ST8SIA6: variants seen among roughly 807,000 people sequenced by gnomAD.
The protein encoded by ST8SIA6 is ST8 alpha-N-acetyl-neuraminide alpha-2,8-sialyltransferase 6.
A neutral mutation model predicts 33.6 loss-of-function variants in ST8SIA6; 39 were observed. The observed-to-expected ratio is 1.16, with a 90% confidence interval of 0.90 to 1.52. The LOEUF is 1.52. Ranked by LOEUF, ST8SIA6 falls within the 40% of genes most tolerant of loss-of-function variation. The probability of loss-of-function intolerance (pLI) is 0.00; values close to 1 mark genes in which losing one functional copy is unlikely to be tolerated. For synonymous variants in ST8SIA6, 172 were observed against 167.2 expected (o/e 1.03, Z -0.22); for missense variants, 441 against 443.8 (o/e 0.99, Z 0.06).
At chr10:17,437,429 C>T (rs892316648) in intron 2 of ST8SIA6, among the ~76,000 whole-genome samples, 2 of 152,188 alleles carry the variant, frequency 1.3e-5, no homozygotes, top group African/African-American at 2.4e-5. Flanking sequence ...GGCTTGGCCT[C>T]CCAAAGTGCT....
chr10:17,326,986 T>A (rs1848151642), intron 6 of ST8SIA6, 28 bp downstream of exon 6: 2 of 1,524,512 alleles, frequency 1.3e-6, no homozygotes, highest in African/African-American at 1.4e-5. Context: ...ATCTATTGTT[T>A]CAAAGAAACC....
At chr10:17,434,517 C>T (rs1408572873) in intron 2 of ST8SIA6, among the ~76,000 whole-genome samples, 2 of 152,110 alleles carry the variant, frequency 1.3e-5, no homozygotes, top group African/African-American at 4.8e-5. Flanking sequence ...AGAATATTTT[C>T]AAAAGAAAAG....
rs1345152043 is a variant in ST8SIA6 at position 17,444,954 on chromosome 10, T to A, written c.200+8605A>T. ...GCAGCTTTAAAGCATTCTGAATTTT[T>A]AAAATCAGAACACATATTCGTATCA... On this transcript the variant is annotated intron_variant, in intron 2 of 7. Coordinates refer to ENST00000377602, the MANE Select transcript of ST8SIA6 (RefSeq NM_001004470.3). 3.9e-5 allele frequency among the ~76,000 whole-genome samples: 6 copies of A among 152,346 alleles called. No homozygotes were observed. The East Asian group carries it at 9.6e-4, about 24-fold the overall frequency.
chr10:17,341,900 C>CAAAAAAAAAAAAAAAAAAAAA (rs71393004), intron 4 of ST8SIA6, among the ~76,000 whole-genome samples: 3 of 73,164 alleles, frequency 4.1e-5, no homozygotes, highest in African/African-American at 1.1e-4. Flanking sequence ...GGCTCCATCT[C>CAAAAAAAAAAAAAAAAAAAAA]AAAAAAAAAA....
rs200826980 is a variant in ST8SIA6, at chr10:17,368,407, C to CAAAAAAAA, written c.291-8815_291-8808dup. 2.5e-4 allele frequency among the ~76,000 whole-genome samples: 18 copies of CAAAAAAAA among 72,194 alleles called. 1 individual carries two copies. Among genetic ancestry groups the CAAAAAAAA allele is most frequent in the Admixed American group, 5.9e-4 (3 of 5,072 alleles). 47.4% of individuals were successfully genotyped at this position (72,194 alleles called of 152,430 possible). A position where few individuals can be genotyped will look rare whatever the true frequency, so the allele number is the denominator to read the frequency against. Reference sequence around the variant, plus strand: ...GGGCAACAAGAGTGAAGCTCTGTCTCAAAAAAAAAAAAAAAAAAAAAAAAA... The same window carrying CAAAAAAAA: ...GGGCAACAAGAGTGAAGCTCTGTCTCAAAAAAAAAAAAAAAAAAAAAAAAAAAAAAAAA... On this transcript the variant is annotated intron_variant, in intron 3 of 7. Transcript: ENST00000377602.
At chr10:17,356,625 T>G (rs1849199479) in intron 4 of ST8SIA6, among the ~76,000 whole-genome samples, 1 of 152,140 alleles carries the variant, frequency 6.6e-6, no homozygotes, top group South Asian at 2.1e-4. Flanking sequence ...TGGCCTCAAG[T>G]GATCCACCCA....
intron 3 of ST8SIA6, among the ~76,000 whole-genome samples, chr10:17,369,030 T>G (rs1849650356): frequency 6.6e-6 from 1 of 152,198 alleles, no homozygotes; most frequent in Non-Finnish European, 1.5e-5. Flanking sequence ...AAAATTAGAA[T>G]CTATATTGAA....
intron 4 of ST8SIA6, among the ~76,000 whole-genome samples, chr10:17,332,644 G>A (rs1322738413): frequency 6.6e-6 from 1 of 151,960 alleles, no homozygotes; most frequent in Non-Finnish European, 1.5e-5. Context: ...TTTTTTAGTA[G>A]AGACAGGGTT....
chr10:17,374,419 A>G (rs531619733), intron 3 of ST8SIA6, among the ~76,000 whole-genome samples: 213 of 151,300 alleles, frequency 1.4e-3, no homozygotes, highest in African/African-American at 4.9e-3. Context: ...CATACTCTCA[A>G]TATTATTACC....
rs187199171 is a variant in ST8SIA6 at position 17,407,708 on chromosome 10, G to A, written c.201-17088C>T. Among the ~76,000 whole-genome samples, 19 of 152,180 alleles carry A rather than the reference G, an allele frequency of 1.2e-4. No homozygotes were observed. In the East Asian group the frequency reaches 2.9e-3, roughly 23 times the overall value. On this transcript the variant is annotated intron_variant, in intron 2 of 7. Coordinates refer to ENST00000377602, the MANE Select transcript of ST8SIA6 (RefSeq NM_001004470.3). ...GAACCTGGTTTGGTGTCATATCTAC[G>A]AGCTCCCAGACAATGCCAGTCCCAC...
chr10:17,415,490 C>A (rs149138045), intron 2 of ST8SIA6, among the ~76,000 whole-genome samples: 5 of 152,214 alleles, frequency 3.3e-5, no homozygotes, highest in Non-Finnish European at 4.4e-5. Flanking sequence ...GTTCTTCAGG[C>A]CCATTCATCT....
chr10:17,373,358 A>T (rs1849793794), intron 3 of ST8SIA6, among the ~76,000 whole-genome samples: 1 of 152,224 alleles, frequency 6.6e-6, no homozygotes, highest in South Asian at 2.1e-4. Flanking sequence ...TTACATATAT[A>T]GCACATGCAT....
At chr10:17,405,612 G>C (rs34601319) in intron 2 of ST8SIA6, among the ~76,000 whole-genome samples, 4,998 of 149,610 alleles carry the variant, frequency 0.033, 265 homozygotes, top group African/African-American at 0.11. Flanking sequence ...GGCTGGATGT[G>C]GTGGCTCATT....
Position 17,323,075 on chromosome 10 carries a change from T to C in ST8SIA6, c.718A>G (p.Ile240Val), listed in dbSNP as rs759653728. 1.2e-6 allele frequency: 2 copies of C among 1,612,850 alleles called. No homozygotes were observed. Among genetic ancestry groups the C allele is most frequent in the Non-Finnish European group, 8.5e-7 (1 of 1,179,226 alleles). ...TNLVTINPSI[I>V]TLKYGNLKEK... The stretch of plus-strand genomic sequence containing the variant: ...CTTGCAGCTACTTACTTCAGAGTTA[T>C]GATGCTTGGATTTATAGTCACAAGA... Residue 240 changes from isoleucine (I) to valine (V), a missense_variant, in exon 7 of 8, where the codon ATA becomes GTA. Transcript: ENST00000377602.
At chr10:17,389,364 T>G (rs944393193) in intron 3 of ST8SIA6, among the ~76,000 whole-genome samples, 2 of 152,230 alleles carry the variant, frequency 1.3e-5, no homozygotes, top group African/African-American at 4.8e-5. Context: ...TACATTATCC[T>G]GAACCATCTT....
At chr10:17,359,404 C>T in intron 4 of ST8SIA6, 110 bp downstream of exon 4, 1 of 741,950 alleles carries the variant, frequency 1.3e-6, no homozygotes, top group African/African-American at 1.8e-5. Context: ...GGCCTCATTG[C>T]CAGCTGGGGT....
chr10:17,318,640 A>G lies in ST8SIA6; in HGVS notation c.*2238T>C. On this transcript the variant is annotated 3_prime_UTR_variant, in exon 8 of 8. Coordinates refer to ENST00000377602, the MANE Select transcript of ST8SIA6 (RefSeq NM_001004470.3). Reference sequence around the variant, plus strand: ...ACAATATTTAAGCAATGCTGATTACATACAGATTTCTTGGGAGTGTCACAG... The same window carrying G: ...ACAATATTTAAGCAATGCTGATTACGTACAGATTTCTTGGGAGTGTCACAG... The G allele has an allele frequency of 2.1e-6, 1 of 469,348 alleles. No homozygotes were observed. Among genetic ancestry groups the G allele is most frequent in the Non-Finnish European group, 4.4e-6 (1 of 226,562 alleles). 29.1% of individuals were successfully genotyped at this position (469,348 alleles called of 1,614,324 possible).
chr10:17,384,192 G>C (rs1850256473), intron 3 of ST8SIA6, among the ~76,000 whole-genome samples: 1 of 152,160 alleles, frequency 6.6e-6, no homozygotes, highest in Non-Finnish European at 1.5e-5. Flanking sequence ...CAGGGTTTCT[G>C]ACCTGTGGTA....
Position 17,331,567 on chromosome 10 carries a change from G to T in ST8SIA6, c.378-15C>A. The stretch of plus-strand genomic sequence containing the variant: ...CAAGTTTGGCTCTGCAAAGGAAAAG[G>T]ATGAAAAGGAAGCCAAAGTATAAGA... On this transcript the variant is annotated splice_polypyrimidine_tract_variant and intron_variant, in intron 4 of 7. Transcript: ENST00000377602. 1 of 1,592,524 alleles carries T rather than the reference G, an allele frequency of 6.3e-7. No homozygotes were observed. The highest frequency in any genetic ancestry group is 1.2e-5 in the South Asian group (1 of 86,244).
Sources: allele counts gnomAD v4.1 joint callset (sites outside exome capture counted in the v4.1 genomes callset), GRCh38; gene constraint gnomAD v4.1.1; transcripts MANE v1.5; gene names NCBI Gene and HGNC (gene_info 2026-07-23, HGNC 2026-07-21).